The following CDH13 variants were observed in gnomAD, a reference collection of about 807,000 sequenced individuals.
CDH13 encodes the protein cadherin 13, also known as cadherin-13.
CDH13 carries 24 observed loss-of-function variants against 63.8 expected under a neutral mutation model. That is an observed-to-expected ratio of 0.38 (90% CI 0.27 to 0.53). CDH13 has a LOEUF of 0.53. Ranked by LOEUF, CDH13 falls within the 20% of genes least tolerant of loss-of-function variation. The probability of loss-of-function intolerance (pLI) is 0.85; values close to 1 mark genes in which losing one functional copy is unlikely to be tolerated. For synonymous variants in CDH13, 503 were observed against 355.3 expected (o/e 1.42, Z -4.67); for missense variants, 1,049 against 903.1 (o/e 1.16, Z -2.07).
At chr16:82,762,503 A>C (rs534682264) in intron 1 of CDH13, among the ~76,000 whole-genome samples, 31 of 152,346 alleles carry the variant, frequency 2.0e-4, no homozygotes, top group Non-Finnish European at 4.1e-4. Flanking sequence ...CTAAGTCAGT[A>C]ATTCTAATGA....
intron 2 of CDH13, among the ~76,000 whole-genome samples, chr16:82,940,821 C>T (rs1904278487): frequency 6.6e-6 from 1 of 152,166 alleles, no homozygotes; most frequent in Non-Finnish European, 1.5e-5. Flanking sequence ...TGTCCCATGA[C>T]TCCTAATTGT....
chr16:83,671,112 G>A (rs925056913), intron 9 of CDH13, 140 bp downstream of exon 9: 1 of 737,692 alleles, frequency 1.4e-6, no homozygotes. Flanking sequence ...AAAGGAAAAG[G>A]CTCATGGCTT....
At chr16:83,755,960 G>A (rs755876097) in intron 11 of CDH13, among the ~76,000 whole-genome samples, 52 of 152,148 alleles carry the variant, frequency 3.4e-4, no homozygotes, top group Non-Finnish European at 5.7e-4. Flanking sequence ...GAACTAAAAT[G>A]CATGACAGCA....
At chr16:83,267,568 T>C (rs1036273299) in intron 5 of CDH13, among the ~76,000 whole-genome samples, 2 of 152,178 alleles carry the variant, frequency 1.3e-5, no homozygotes, top group African/African-American at 4.8e-5. Context: ...CCCTCATGAA[T>C]AGATGAATGC....
chr16:83,353,237 T>C (rs893983740), intron 6 of CDH13, among the ~76,000 whole-genome samples: 6 of 152,238 alleles, frequency 3.9e-5, no homozygotes, highest in African/African-American at 1.4e-4. Flanking sequence ...AAAAAGAAAC[T>C]GAATCTTTGC....
chr16:83,229,736 T>G (rs1283518051), intron 5 of CDH13, among the ~76,000 whole-genome samples: 1 of 152,178 alleles, frequency 6.6e-6, no homozygotes, highest in Non-Finnish European at 1.5e-5. Flanking sequence ...AAAATCCACC[T>G]TTTCTGGAAT....
chr16:83,013,953 C>G (rs1597407930), intron 2 of CDH13, among the ~76,000 whole-genome samples: 1 of 152,270 alleles, frequency 6.6e-6, no homozygotes, highest in East Asian at 1.9e-4. Flanking sequence ...ACATCAGCCT[C>G]ATCTGTATAA....
intron 3 of CDH13, among the ~76,000 whole-genome samples, chr16:83,072,720 A>C (rs151066824): frequency 1.3e-5 from 2 of 152,240 alleles, no homozygotes; most frequent in East Asian, 3.9e-4. Context: ...AGAATTCCCC[A>C]CATTTTGCTC....
chr16:82,923,828 A>G (rs1031945636), intron 2 of CDH13, among the ~76,000 whole-genome samples: 1 of 152,162 alleles, frequency 6.6e-6, no homozygotes, highest in Non-Finnish European at 1.5e-5. Flanking sequence ...TGAAACGAAC[A>G]TTGGTTGTAA....
intron 6 of CDH13, among the ~76,000 whole-genome samples, chr16:83,398,572 C>T (rs2151439203): frequency 6.6e-6 from 1 of 152,240 alleles, no homozygotes; most frequent in South Asian, 2.1e-4. Flanking sequence ...TGCACAGGTT[C>T]CAGGGATAAG....
At chr16:83,563,478 G>A (rs948639498) in intron 7 of CDH13, among the ~76,000 whole-genome samples, 7 of 152,316 alleles carry the variant, frequency 4.6e-5, no homozygotes, top group African/African-American at 1.4e-4. Flanking sequence ...GCATTAATTT[G>A]GTTTGAGATG....
intron 2 of CDH13, among the ~76,000 whole-genome samples, chr16:82,866,374 CTTCTT>C (rs2040141052): frequency 1.2e-5 from 1 of 86,954 alleles, no homozygotes; most frequent in African/African-American, 4.2e-5. Context: ...TCTTTTTCTT[CTTCTT>C]TTTTTTTTTT....
At chr16:83,478,161 A>AC (rs200279864) in intron 6 of CDH13, among the ~76,000 whole-genome samples, 27 of 149,642 alleles carry the variant, frequency 1.8e-4, no homozygotes, top group Middle Eastern at 3.5e-3. Flanking sequence ...CTCCGTCTCA[A>AC]AAAAAAAAAA....
intron 1 of CDH13, among the ~76,000 whole-genome samples, chr16:82,796,860 G>A (rs749955230): frequency 6.6e-6 from 1 of 152,212 alleles, no homozygotes; most frequent in African/African-American, 2.4e-5. Flanking sequence ...GTGTATTTCA[G>A]TGTTTCTCCA....
chr16:83,486,709 T>C, intron 7 of CDH13, 54 bp downstream of exon 7: 2 of 1,540,204 alleles, frequency 1.3e-6, no homozygotes, highest in East Asian at 4.5e-5. Flanking sequence ...GTGGCTTTCA[T>C]GCAAGGGATG....
At chr16:82,940,530 C>G (rs964916399) in intron 2 of CDH13, among the ~76,000 whole-genome samples, 2 of 152,168 alleles carry the variant, frequency 1.3e-5, no homozygotes, top group Non-Finnish European at 2.9e-5. Context: ...TTCTTTTTTA[C>G]TTCCAGATTT....
intron 2 of CDH13, among the ~76,000 whole-genome samples, chr16:82,883,812 C>T (rs72790111): frequency 0.28 from 43,046 of 152,090 alleles, 7,341 homozygotes; most frequent in Non-Finnish European, 0.39. Context: ...ATCTTTCTGT[C>T]CTTACTCTGT....
chr16:83,487,927 C>T (rs901727996), intron 7 of CDH13, among the ~76,000 whole-genome samples: 11 of 152,322 alleles, frequency 7.2e-5, no homozygotes, highest in Middle Eastern at 6.8e-3. Context: ...CCTGATTCTT[C>T]CACAGTCTTG....
intron 6 of CDH13, among the ~76,000 whole-genome samples, chr16:83,467,562 G>A (rs77749776): frequency 0.025 from 3,844 of 152,250 alleles, 166 homozygotes; most frequent in African/African-American, 0.087. Flanking sequence ...CAACCGCTTC[G>A]TGCAGAGGAG....
Sources: allele counts gnomAD v4.1 joint callset (sites outside exome capture counted in the v4.1 genomes callset), GRCh38; gene constraint gnomAD v4.1.1; transcripts MANE v1.5; gene names NCBI Gene and HGNC (gene_info 2026-07-23, HGNC 2026-07-21).